The following ADGRL2 variants were observed in gnomAD, a reference collection of about 807,000 sequenced individuals.
ADGRL2 encodes adhesion G protein-coupled receptor L2, also known as calcium-independent alpha-latrotoxin receptor 2.
A neutral mutation model predicts 157.4 loss-of-function variants in ADGRL2; 44 were observed. That is an observed-to-expected ratio of 0.28 (90% CI 0.22 to 0.36). ADGRL2 has a LOEUF of 0.36. Ranked by LOEUF, ADGRL2 falls within the 10% of genes least tolerant of loss-of-function variation. ADGRL2 has a pLI of 1.00. For synonymous variants in ADGRL2, 585 were observed against 624.7 expected, an observed-to-expected ratio of 0.94 and a Z score of 0.95; for missense variants, 1,510 against 1,768.9, an observed-to-expected ratio of 0.85 and a Z score of 2.63.
In ADGRL2 at chr1:81,781,629, A is replaced by G. The variant is rs141670159; in HGVS notation, c.-101+19777A>G. ...GGTTGGTTACAGATGGGAGGAAGAT[A>G]TCACATACACACCTGCGATTTCCCA... On this transcript the variant is annotated intron_variant, in intron 2 of 20. Coordinates refer to the ADGRL2 transcript ENST00000359929. 4.0e-4 allele frequency among the ~76,000 whole-genome samples: 61 copies of G among 152,352 alleles called. No individual in the cohort carries two copies. The East Asian group carries it at 0.011, about 28-fold the overall frequency.
intron 3 of ADGRL2, among the ~76,000 whole-genome samples, chr1:81,643,773 T>A (rs2082264825): frequency 6.6e-6 from 1 of 152,180 alleles, no homozygotes; most frequent in Admixed American, 6.5e-5. Context: ...TGGAGAGAGA[T>A]TCCATATTCA....
At chr1:81,364,495 T>A (rs1434844348) in intron 1 of ADGRL2, among the ~76,000 whole-genome samples, 1 of 136,324 alleles carries the variant, frequency 7.3e-6, no homozygotes, top group Non-Finnish European at 1.6e-5. Context: ...ATTCCTGACA[T>A]GAAATGTAAA....
chr1:81,917,140 A>C lies in ADGRL2; in HGVS notation c.287+9910A>C, dbSNP rs568358086. Among the ~76,000 whole-genome samples the C allele has an allele frequency of 4.6e-5, 7 of 152,214 alleles. No homozygotes were observed. The South Asian group carries it at 8.3e-4, about 18-fold the overall frequency. On this transcript the variant is annotated intron_variant, in intron 3 of 23. Transcript: ENST00000686636. ...CAACCACTCCTGGCGAGATAATTTG[A>C]TATTAAATTATTTAAAGATCTTAAA...
chr1:81,307,173 G>A (rs1319148257), intron 1 of ADGRL2, among the ~76,000 whole-genome samples: 1 of 152,124 alleles, frequency 6.6e-6, no homozygotes, highest in African/African-American at 2.4e-5. Flanking sequence ...GTTTAATGTA[G>A]CAAGGCTTTA....
chr1:81,760,228 G>T (rs1393516947), intron 1 of ADGRL2, among the ~76,000 whole-genome samples: 1 of 151,962 alleles, frequency 6.6e-6, no homozygotes, highest in Non-Finnish European at 1.5e-5. Context: ...TTGTAAATTT[G>T]ACTACACAGT....
At chr1:81,864,205 A>T (rs767552839) in intron 2 of ADGRL2, among the ~76,000 whole-genome samples, 1 of 152,178 alleles carries the variant, frequency 6.6e-6, no homozygotes, top group Admixed American at 6.6e-5. Context: ...TTAATTCTGT[A>T]TATCCATCTA....
chr1:81,750,669 A>T (rs1372750551), intron 1 of ADGRL2, among the ~76,000 whole-genome samples: 1 of 152,164 alleles, frequency 6.6e-6, no homozygotes, highest in Admixed American at 6.6e-5. Flanking sequence ...GTGAGTCAAG[A>T]TGGTGCCACT....
chr1:81,322,087 CATATAT>C (rs148181887), intron 1 of ADGRL2, among the ~76,000 whole-genome samples: 10 of 112,466 alleles, frequency 8.9e-5, no homozygotes, highest in African/African-American at 1.3e-4. Flanking sequence ...AGGACTAATT[CATATAT>C]ATATATATAT....
chr1:81,929,552 G>A (rs284219), intron 3 of ADGRL2, among the ~76,000 whole-genome samples: 118,568 of 152,034 alleles, frequency 0.78, 46,569 homozygotes, highest in East Asian at 0.94. Flanking sequence ...ATGGAATCTC[G>A]TCTCCATACT....
At chr1:81,568,902 T>G (rs930807621) in intron 2 of ADGRL2, among the ~76,000 whole-genome samples, 2 of 152,170 alleles carry the variant, frequency 1.3e-5, no homozygotes, top group South Asian at 2.1e-4. Context: ...CATAGTGTTA[T>G]GTAGCAATAA....
intron 3 of ADGRL2, among the ~76,000 whole-genome samples, chr1:81,581,595 G>T (rs542346670): frequency 6.6e-6 from 1 of 152,180 alleles, no homozygotes; most frequent in African/African-American, 2.4e-5. Flanking sequence ...CTTAATTAAG[G>T]ATAACCACGA....
At chr1:81,545,532 C>T (rs528155042) in intron 2 of ADGRL2, among the ~76,000 whole-genome samples, 7 of 152,110 alleles carry the variant, frequency 4.6e-5, no homozygotes, top group Admixed American at 3.3e-4. Context: ...CTGCCCGCCT[C>T]GCCTCCCAAA....
chr1:81,639,805 A>T (rs2082184306), intron 3 of ADGRL2, among the ~76,000 whole-genome samples: 1 of 152,110 alleles, frequency 6.6e-6, no homozygotes, highest in South Asian at 2.1e-4. Context: ...TGTGATAACT[A>T]TTTCACAATC....
Position 81,725,757 on chromosome 1 carries a change from T to C in ADGRL2, c.-143+25949T>C, listed in dbSNP as rs545105824. Among the ~76,000 whole-genome samples, 8 of 152,286 alleles carry C rather than the reference T, an allele frequency of 5.3e-5. No individual in the cohort carries two copies. The South Asian group carries it at 1.4e-3, about 28-fold the overall frequency. ...TAGTAAAATTCCTCTTCTGAAAATGTGTACTGTGCTTTTAGATTTTTAAAT... is the reference window on the plus strand; with the variant it reads ...TAGTAAAATTCCTCTTCTGAAAATGCGTACTGTGCTTTTAGATTTTTAAAT... On this transcript the variant is annotated intron_variant, in intron 1 of 20. Transcript: ENST00000359929.
chr1:81,567,135 C>T (rs2080580508), intron 2 of ADGRL2, among the ~76,000 whole-genome samples: 1 of 152,060 alleles, frequency 6.6e-6, no homozygotes, highest in Non-Finnish European at 1.5e-5. Context: ...CATGAGCTAA[C>T]AGCTAAGATA....
chr1:81,416,630 C>T (rs2077039162), intron 1 of ADGRL2, among the ~76,000 whole-genome samples: 1 of 152,100 alleles, frequency 6.6e-6, no homozygotes, highest in South Asian at 2.1e-4. Flanking sequence ...TGATAAAATT[C>T]CATTTATTCA....
At chr1:81,903,143 C>T (rs1208017286) in intron 2 of ADGRL2, among the ~76,000 whole-genome samples, 2 of 152,122 alleles carry the variant, frequency 1.3e-5, no homozygotes, top group Non-Finnish European at 2.9e-5. Flanking sequence ...AGTAAAATGA[C>T]TTTGCCCAAA....
chr1:81,368,344 T>C (rs1557633426), intron 1 of ADGRL2, among the ~76,000 whole-genome samples: 1 of 152,216 alleles, frequency 6.6e-6, no homozygotes, highest in African/African-American at 2.4e-5. Context: ...GAAGTGTCTG[T>C]TCATGTACCA....
chr1:81,471,904 T>C (rs946472394), intron 2 of ADGRL2, among the ~76,000 whole-genome samples: 1 of 152,210 alleles, frequency 6.6e-6, no homozygotes, highest in African/African-American at 2.4e-5. Context: ...TATTGGCTAT[T>C]TAATTAGTGA....
Sources: allele counts gnomAD v4.1 joint callset (sites outside exome capture counted in the v4.1 genomes callset), GRCh38; gene constraint gnomAD v4.1.1; transcripts MANE v1.5; gene names NCBI Gene and HGNC (gene_info 2026-07-23, HGNC 2026-07-21).